Variants in MBOAT2 observed in about 807,000 individuals in gnomAD.
MBOAT2 encodes membrane-bound glycerophospholipid O-acyltransferase 2.
In MBOAT2, 28 loss-of-function variants were observed where a neutral mutation model predicts 63.4. The ratio of observed to expected loss-of-function variants is 0.44; its 90% CI spans 0.33 to 0.61. The LOEUF (loss-of-function observed/expected upper bound fraction) is 0.61. Among genes scored for constraint, MBOAT2 ranks in the 20% least tolerant of loss-of-function variants. MBOAT2 has a pLI of 0.03. For synonymous variants in MBOAT2, 211 were observed against 215.6 expected (o/e 0.98, Z 0.19); for missense variants, 470 against 605.8 (o/e 0.78, Z 2.35).
intron 3 of MBOAT2, among the ~76,000 whole-genome samples, chr2:8,919,350 G>A (rs1666410464): frequency 6.6e-6 from 1 of 152,196 alleles, no homozygotes; most frequent in Non-Finnish European, 1.5e-5. Flanking sequence ...AACGTATGAA[G>A]ATTCTAGTTT....
At chr2:8,899,443 G>A (rs902353959) in intron 4 of MBOAT2, among the ~76,000 whole-genome samples, 3 of 152,132 alleles carry the variant, frequency 2.0e-5, no homozygotes, top group Admixed American at 6.5e-5. Context: ...TGAGAAGGCC[G>A]CGCCAGTGTC....
At chr2:8,881,047 G>A (rs1663089416) in intron 6 of MBOAT2, among the ~76,000 whole-genome samples, 2 of 152,160 alleles carry the variant, frequency 1.3e-5, no homozygotes, top group South Asian at 4.1e-4. Flanking sequence ...TCAGGTGGTG[G>A]GGATGGCCCA....
intron 1 of MBOAT2, among the ~76,000 whole-genome samples, chr2:8,969,441 T>G (rs1349633615): frequency 2.6e-5 from 4 of 152,186 alleles, no homozygotes; most frequent in African/African-American, 4.8e-5. Context: ...AGACCATCGA[T>G]GCTAGGAAGA....
chr2:8,866,514 C>T (rs2148514365), intron 9 of MBOAT2, among the ~76,000 whole-genome samples: 1 of 152,252 alleles, frequency 6.6e-6, no homozygotes, highest in African/African-American at 2.4e-5. Flanking sequence ...AAGCAAATAC[C>T]AGACTTATTT....
chr2:8,863,875 AG>A (rs1311185380), intron 10 of MBOAT2, among the ~76,000 whole-genome samples: 2 of 152,354 alleles, frequency 1.3e-5, no homozygotes, highest in East Asian at 3.9e-4. Flanking sequence ...GAACACAATC[AG>A]GAGCTGCAAA....
chr2:8,933,401 T>C (rs1667455148), intron 3 of MBOAT2, among the ~76,000 whole-genome samples: 1 of 152,044 alleles, frequency 6.6e-6, no homozygotes, highest in African/African-American at 2.4e-5. Context: ...CAGGCTGGAG[T>C]ACAGTGGCAC....
chr2:8,863,457 C>G (rs1175002485), intron 10 of MBOAT2, among the ~76,000 whole-genome samples: 1 of 152,146 alleles, frequency 6.6e-6, no homozygotes, highest in Non-Finnish European at 1.5e-5. Context: ...GGAGGGTGTG[C>G]TGTTCCCCAG....
In MBOAT2 at chr2:8,853,727, T is replaced by C. The variant is rs1050860725; in HGVS notation, c.*4952A>G. The C allele has an allele frequency of 2.0e-5, 3 of 152,216 alleles. No individual in the cohort carries two copies. The highest frequency in any genetic ancestry group is 4.4e-5 in the Non-Finnish European group (3 of 68,030). 9.4% of individuals were successfully genotyped at this position (152,216 alleles called of 1,614,324 possible). A position where few individuals can be genotyped will look rare whatever the true frequency, so the allele number is the denominator to read the frequency against. On this transcript the variant is annotated 3_prime_UTR_variant, in exon 13 of 13. Transcript: ENST00000305997. ...AGCGGTTCTGCATGGGTCATCACAC[T>C]ATAATTTACAGAACATACAGTCTTA...
intron 2 of MBOAT2, among the ~76,000 whole-genome samples, chr2:8,951,672 TC>T (rs557385902): frequency 2.4e-4 from 37 of 152,350 alleles, no homozygotes; most frequent in African/African-American, 8.2e-4. Context: ...ACTGTGTATT[TC>T]CAGGAATTTA....
chr2:8,895,578 A>G (rs1334187794), intron 4 of MBOAT2, among the ~76,000 whole-genome samples: 1 of 152,212 alleles, frequency 6.6e-6, no homozygotes, highest in East Asian at 1.9e-4. Flanking sequence ...AGCTAGACAG[A>G]AAAGTGCTCC....
chr2:9,000,803 A>C (rs1672629642), intron 1 of MBOAT2, among the ~76,000 whole-genome samples: 1 of 152,216 alleles, frequency 6.6e-6, no homozygotes, highest in Non-Finnish European at 1.5e-5. Flanking sequence ...TGAATTTATA[A>C]AATATATTTT....
intron 4 of MBOAT2, among the ~76,000 whole-genome samples, chr2:8,900,278 T>A (rs1171474832): frequency 6.6e-6 from 1 of 152,208 alleles, no homozygotes; most frequent in African/African-American, 2.4e-5. Context: ...CATTCTATCA[T>A]TTACTTGACT....
intron 1 of MBOAT2, among the ~76,000 whole-genome samples, chr2:8,979,034 A>G (rs1411641219): frequency 6.6e-6 from 1 of 152,140 alleles, no homozygotes; most frequent in Non-Finnish European, 1.5e-5. Context: ...CAGTGCTACT[A>G]ATTTTCAAGT....
At chr2:8,907,120 T>C (rs147791862) in intron 4 of MBOAT2, among the ~76,000 whole-genome samples, 22 of 152,378 alleles carry the variant, frequency 1.4e-4, no homozygotes, top group African/African-American at 5.3e-4. Context: ...TTTTTGTTTC[T>C]ATTTTCTACT....
intron 1 of MBOAT2, among the ~76,000 whole-genome samples, chr2:8,961,871 G>C (rs1159388625): frequency 6.6e-6 from 1 of 152,050 alleles, no homozygotes; most frequent in Non-Finnish European, 1.5e-5. Flanking sequence ...GACCTCCTTA[G>C]AACTTCACTT....
intron 1 of MBOAT2, among the ~76,000 whole-genome samples, chr2:8,967,565 T>A (rs1434559618): frequency 6.6e-6 from 1 of 150,712 alleles, no homozygotes; most frequent in Admixed American, 6.6e-5. Flanking sequence ...ATAGGATTTT[T>A]AAAAAATAAA....
intron 8 of MBOAT2, among the ~76,000 whole-genome samples, chr2:8,869,655 C>A (rs540558493): frequency 6.6e-6 from 1 of 152,132 alleles, no homozygotes; most frequent in African/African-American, 2.4e-5. Context: ...AAGATTTACT[C>A]CTCTGTCAGG....
intron 9 of MBOAT2, among the ~76,000 whole-genome samples, chr2:8,864,530 C>T (rs1166801440): frequency 6.6e-6 from 1 of 152,146 alleles, no homozygotes; most frequent in African/African-American, 2.4e-5. Context: ...AGAATGTGTA[C>T]AAATGCCTTT....
intron 2 of MBOAT2, among the ~76,000 whole-genome samples, chr2:8,943,926 C>T (rs891584900): frequency 1.1e-4 from 17 of 152,076 alleles, no homozygotes; most frequent in Admixed American, 9.8e-4. Flanking sequence ...TACAGTGGCG[C>T]GATCTCAGCT....
Sources: gnomAD v4.1 joint callset for allele counts (sites outside exome capture counted in the v4.1 genomes callset) on GRCh38, gnomAD v4.1.1 for gene constraint, MANE v1.5 for transcripts, NCBI Gene and HGNC (gene_info 2026-07-23, HGNC 2026-07-21) for gene names.